The following RERE variants were observed in gnomAD, a reference collection of about 807,000 sequenced individuals.
RERE encodes the protein arginine-glutamic acid dipeptide repeats protein.
RERE carries 40 observed loss-of-function variants against 146.1 expected under a neutral mutation model. The observed-to-expected ratio is 0.27, with a 90% CI of 0.21 to 0.36. RERE has a LOEUF of 0.36. Among genes scored for constraint, RERE ranks in the 10% least tolerant of loss-of-function variants. RERE has a pLI of 1.00. For synonymous variants in RERE, 1,003 were observed against 866.0 expected (o/e 1.16, Z -2.78); for missense variants, 1,933 against 2,138.7 (o/e 0.90, Z 1.90).
chr1:8,573,860 C>T (rs1020891857), intron 4 of RERE, among the ~76,000 whole-genome samples: 5 of 152,156 alleles, frequency 3.3e-5, no homozygotes, highest in African/African-American at 1.2e-4. Flanking sequence ...GGCTGCAGTG[C>T]AGTGGCCCAA....
At chr1:8,512,938 A>C (rs1645361189) in intron 7 of RERE, 1 of 152,078 alleles carries the variant, frequency 6.6e-6, no homozygotes, top group African/African-American at 2.4e-5. Flanking sequence ...GGTGAAACTC[A>C]ACAACAAGAT....
intron 6 of RERE, among the ~76,000 whole-genome samples, chr1:8,545,779 G>C (rs1362189749): frequency 1.3e-5 from 2 of 150,048 alleles, no homozygotes; most frequent in Non-Finnish European, 3.0e-5. Context: ...CGCCTCCCGG[G>C]TTCAAGCAAT....
At chr1:8,410,348 G>A (rs1643580090) in intron 12 of RERE, among the ~76,000 whole-genome samples, 2 of 152,198 alleles carry the variant, frequency 1.3e-5, no homozygotes, top group South Asian at 4.1e-4. Flanking sequence ...GCAGAGGCCT[G>A]AGCAGCCTAT....
chr1:8,383,955 A>ATTT (rs1642546519), intron 12 of RERE, among the ~76,000 whole-genome samples: 1 of 152,214 alleles, frequency 6.6e-6, no homozygotes. Context: ...TTCACTTATG[A>ATTT]TAATGTGGGG....
chr1:8,460,103 TA>T (rs1441529977), intron 11 of RERE, among the ~76,000 whole-genome samples: 3 of 152,328 alleles, frequency 2.0e-5, no homozygotes, highest in Non-Finnish European at 2.9e-5. Context: ...TATTGGATCT[TA>T]ACGGGGATTT....
chr1:8,486,900 C>T (rs952385299), intron 10 of RERE, among the ~76,000 whole-genome samples: 1 of 151,622 alleles, frequency 6.6e-6, no homozygotes, highest in Non-Finnish European at 1.5e-5. Flanking sequence ...GAAAACAGAA[C>T]AGGAAGAACG....
At chr1:8,419,180 C>G (rs561402790) in intron 12 of RERE, among the ~76,000 whole-genome samples, 1 of 152,218 alleles carries the variant, frequency 6.6e-6, no homozygotes, top group African/African-American at 2.4e-5. Context: ...ATTTGCACAA[C>G]CATGACACTA....
intron 6 of RERE, among the ~76,000 whole-genome samples, chr1:8,545,118 G>A (rs747499028): frequency 3.9e-5 from 6 of 152,186 alleles, no homozygotes; most frequent in African/African-American, 7.2e-5. Context: ...AGGAGGGACC[G>A]TTAAGAGAAA....
rs192940580 is a variant in RERE at position 8,399,754 on chromosome 1, A to C, written c.1284+22973T>G. ...ATTAACATCGGCGCATCATCTCTCC[A>C]TTTATCTACGTCTTTTTTTTAGGTC... On this transcript the variant is annotated intron_variant, in intron 12 of 22. Transcript: ENST00000400908. 7.7e-4 allele frequency among the ~76,000 whole-genome samples: 117 copies of C among 151,718 alleles called. 1 individual carries two copies. The highest frequency in any genetic ancestry group is 2.7e-3 in the African/African-American group (112 of 41,366).
chr1:8,682,845 T>C (rs970990550), intron 1 of RERE, among the ~76,000 whole-genome samples: 1 of 152,038 alleles, frequency 6.6e-6, no homozygotes, highest in East Asian at 1.9e-4. Context: ...CAAGTGATTC[T>C]TTCGCATGCC....
intron 1 of RERE, among the ~76,000 whole-genome samples, chr1:8,681,951 A>T (rs974670306): frequency 1.3e-5 from 2 of 152,212 alleles, no homozygotes; most frequent in Non-Finnish European, 2.9e-5. Context: ...TAAGCACTTA[A>T]GTACAATAAA....
At chr1:8,413,425 C>G (rs1397516902) in intron 12 of RERE, among the ~76,000 whole-genome samples, 1 of 152,170 alleles carries the variant, frequency 6.6e-6, no homozygotes, top group Non-Finnish European at 1.5e-5. Flanking sequence ...TCACTGCAGC[C>G]TCGACCTCCT....
chr1:8,523,776 C>G (rs996103698), intron 7 of RERE, among the ~76,000 whole-genome samples: 4 of 152,210 alleles, frequency 2.6e-5, no homozygotes, highest in Non-Finnish European at 4.4e-5. Context: ...TAGATGGCGG[C>G]ATCCAAGCTC....
intron 4 of RERE, among the ~76,000 whole-genome samples, chr1:8,564,826 A>ATGTGTGTGTGTGTGTGTG (rs796133984): frequency 1.7e-3 from 196 of 117,770 alleles, no homozygotes; most frequent in East Asian, 5.5e-3. Flanking sequence ...GTGTGTGTAT[A>ATGTGTGTGTGTGTGTGTG]TGTGTATGTG....
chr1:8,783,647 G>C (rs990712475), intron 1 of RERE, among the ~76,000 whole-genome samples: 4 of 152,114 alleles, frequency 2.6e-5, no homozygotes, highest in African/African-American at 9.7e-5. Flanking sequence ...CTACTAAACA[G>C]AAATTAAATT....
chr1:8,538,411 C>T (rs1181269916), intron 7 of RERE, among the ~76,000 whole-genome samples: 1 of 152,120 alleles, frequency 6.6e-6, no homozygotes, highest in Admixed American at 6.5e-5. Context: ...AGGGTATGCA[C>T]CCTGGGAATT....
intron 3 of RERE, among the ~76,000 whole-genome samples, chr1:8,623,714 T>C (rs950269419): frequency 2.0e-5 from 3 of 152,168 alleles, no homozygotes; most frequent in Non-Finnish European, 2.9e-5. Flanking sequence ...TCAACACTTA[T>C]ATATTCAGGA....
chr1:8,553,904 G>A (rs890195441), intron 6 of RERE, among the ~76,000 whole-genome samples: 2 of 152,174 alleles, frequency 1.3e-5, no homozygotes, highest in African/African-American at 2.4e-5. Flanking sequence ...TGGGCCAGAC[G>A]TGGTGGCTCA....
chr1:8,543,604 T>C (rs746379014), intron 6 of RERE, among the ~76,000 whole-genome samples: 1 of 152,238 alleles, frequency 6.6e-6, no homozygotes, highest in Non-Finnish European at 1.5e-5. Flanking sequence ...GCAGGGTTTA[T>C]CAATCTTGGC....
Sources: allele counts gnomAD v4.1 joint callset (sites outside exome capture counted in the v4.1 genomes callset), GRCh38; gene constraint gnomAD v4.1.1; transcripts MANE v1.5; gene names NCBI Gene and HGNC (gene_info 2026-07-23, HGNC 2026-07-21).